PLAC8L1: variants seen among roughly 807,000 people sequenced by gnomAD.
PLAC8L1 encodes the protein PLAC8 like 1, also known as PLAC8-like protein 1.
In PLAC8L1, 13 loss-of-function variants were observed where a neutral mutation model predicts 16.3. The ratio of observed to expected loss-of-function variants is 0.80; its 90% confidence interval spans 0.52 to 1.27. PLAC8L1 has a LOEUF of 1.27. Among genes scored for constraint, PLAC8L1 ranks in the 50% most tolerant of loss-of-function variants. PLAC8L1 has a pLI of 0.00. For synonymous variants in PLAC8L1, 78 were observed against 79.3 expected (o/e 0.98, Z 0.09); for missense variants, 184 against 220.2 (o/e 0.84, Z 1.04).
Position 146,093,424 on chromosome 5 carries a change from C to A in PLAC8L1, c.256+4732G>T, listed in dbSNP as rs147288539. Among the ~76,000 whole-genome samples, 329 of 152,270 alleles carry A rather than the reference C, an allele frequency of 2.2e-3. 2 individuals are homozygous for A. The highest frequency in any genetic ancestry group is 7.1e-3 in the African/African-American group (297 of 41,552). On this transcript the variant is annotated intron_variant, in intron 2 of 3. Coordinates refer to ENST00000311450, the MANE Select transcript of PLAC8L1 (RefSeq NM_001029869.3). ...GTCCAAAGGAAATGAGCCCTCCTCC[C>A]TGGAAGTGCTCAGAAAGTCGAGGCT...
intron 1 of PLAC8L1, chr5:146,103,835 T>C (rs1763863057): frequency 1.0e-6 from 1 of 985,316 alleles, no homozygotes; most frequent in Non-Finnish European, 1.2e-6. Flanking sequence ...TTCTGCCTTG[T>C]ACCTAGGCCT....
chr5:146,091,153 AAG>A (rs1340058989), intron 2 of PLAC8L1, among the ~76,000 whole-genome samples: 10 of 152,336 alleles, frequency 6.6e-5, no homozygotes, highest in African/African-American at 2.4e-4. Context: ...GCCACTTTGG[AAG>A]TCAATTTTGC....
rs1859897 is a variant in PLAC8L1 at position 146,084,567 on chromosome 5, T to C, written c.399A>G (p.Thr133=). 10,915 of 1,613,568 alleles carry C rather than the reference T, an allele frequency of 6.8e-3. 577 individuals are homozygous for C. The African/African-American group carries it at 0.12, about 18-fold the overall frequency. The part of the protein sequence containing the change: ...GTRERHKIQG[T]LCEDWLAVHC... ...GCACCGCCAGCCAGTCTTCACACAG[T>C]GTGCCCTAGGGCAAGACCAGAATCT... The change falls in exon 4 of 4, where the codon ACA becomes ACG. Residue 133 remains threonine (T), a synonymous_variant. Coordinates refer to ENST00000311450, the MANE Select transcript of PLAC8L1 (RefSeq NM_001029869.3).
In PLAC8L1 at chr5:146,084,559, TCA is replaced by T; in HGVS notation, c.405_406del (p.Cys135Ter). Reference sequence around the variant, plus strand: ...ACAGCAGTGCACCGCCAGCCAGTCTTCACACAGTGTGCCCTAGGGCAAGACCA... The same window carrying T: ...ACAGCAGTGCACCGCCAGCCAGTCTTCACAGTGTGCCCTAGGGCAAGACCA... On this transcript the variant is annotated stop_gained and frameshift_variant, in exon 4 of 4. Coordinates refer to ENST00000311450, the MANE Select transcript of PLAC8L1 (RefSeq NM_001029869.3). LOFTEE classifies it high-confidence loss of function. 1 of 1,613,760 alleles carries T rather than the reference TCA, an allele frequency of 6.2e-7. No individual in the cohort carries two copies. Among genetic ancestry groups the T allele is most frequent in the Non-Finnish European group, 8.5e-7 (1 of 1,180,028 alleles).
intron 1 of PLAC8L1, 38 bp downstream of exon 1, chr5:146,104,155 G>C: frequency 1.2e-6 from 2 of 1,606,324 alleles, no homozygotes; most frequent in Non-Finnish European, 1.7e-6. Context: ...TCCAACTAAA[G>C]AGCAAAAGCT....
At chr5:146,097,157 C>A (rs1351073835) in intron 2 of PLAC8L1, among the ~76,000 whole-genome samples, 2 of 152,208 alleles carry the variant, frequency 1.3e-5, no homozygotes, top group African/African-American at 4.8e-5. Flanking sequence ...GCAAGACCAT[C>A]AGGTCCTGGA....
intron 2 of PLAC8L1, among the ~76,000 whole-genome samples, chr5:146,089,860 T>C (rs922970277): frequency 6.6e-6 from 1 of 151,562 alleles, no homozygotes; most frequent in South Asian, 2.1e-4. Context: ...TGCCTCAGCC[T>C]CTCGAGTAGC....
intron 1 of PLAC8L1, chr5:146,103,587 A>G: frequency 1.1e-6 from 1 of 906,898 alleles, no homozygotes; most frequent in Non-Finnish European, 1.3e-6. Context: ...CAGGCAAACC[A>G]AGATGGTTGG....
At chr5:146,086,022 G>GTTTTTTT (rs1561781679) in intron 2 of PLAC8L1, among the ~76,000 whole-genome samples, 5 of 111,028 alleles carry the variant, frequency 4.5e-5, no homozygotes, top group African/African-American at 1.4e-4. Context: ...TAATTGAAAG[G>GTTTTTTT]TCTTTTTTTT....
chr5:146,084,399 G>A lies in PLAC8L1; in HGVS notation c.*33C>T. The A allele has an allele frequency of 6.2e-7, 1 of 1,609,622 alleles. No homozygotes were observed. On this transcript the variant is annotated 3_prime_UTR_variant, in exon 4 of 4. Transcript: ENST00000311450. The stretch of plus-strand genomic sequence containing the variant: ...CCACTGAGAGGTTTGAGAGGAGGGT[G>A]TTGGGGAGTAAGGAGGAGGAGTTAT...
At chr5:146,102,707 T>C (rs1223433403) in intron 1 of PLAC8L1, among the ~76,000 whole-genome samples, 1 of 152,182 alleles carries the variant, frequency 6.6e-6, no homozygotes, top group East Asian at 1.9e-4. Flanking sequence ...CTTCATTTAG[T>C]AGAAAAAGCA....
chr5:146,103,935 T>C, intron 1 of PLAC8L1: 1 of 985,416 alleles, frequency 1.0e-6, no homozygotes, highest in Non-Finnish European at 1.2e-6. Context: ...AAAAATAAAG[T>C]TCCACTTGGT....
At chr5:146,090,688 G>C (rs1763596222) in intron 2 of PLAC8L1, among the ~76,000 whole-genome samples, 1 of 152,102 alleles carries the variant, frequency 6.6e-6, no homozygotes, top group Admixed American at 6.6e-5. Context: ...GCAAAAATTT[G>C]CTCAATGTCA....
chr5:146,085,561 C>T lies in PLAC8L1; in HGVS notation c.293G>A (p.Cys98Tyr). The stretch of plus-strand genomic sequence containing the variant: ...CTCTCCATAATGCCTGGCGATGTCA[C>T]ACTCAAGACACATAGGACAGAATAG... ...CGLFCPMCLECDIARHYGECL... is the reference protein window; with the variant it reads ...CGLFCPMCLEYDIARHYGECL... The change falls in exon 3 of 4, where the codon TGT becomes TAT. Residue 98 changes from cysteine (C) to tyrosine (Y), a missense_variant. By Grantham distance (194) the Cys-to-Tyr change is radical. Transcript: ENST00000311450. The T allele has an allele frequency of 1.2e-6, 2 of 1,614,170 alleles. No homozygotes were observed. The highest frequency in any genetic ancestry group is 8.5e-7 in the Non-Finnish European group (1 of 1,180,032).
At chr5:146,098,957 A>G (rs1009408808) in intron 1 of PLAC8L1, among the ~76,000 whole-genome samples, 3 of 152,206 alleles carry the variant, frequency 2.0e-5, no homozygotes, top group Admixed American at 6.5e-5. Flanking sequence ...CACAAAGTAT[A>G]CTTTGGGTTG....
At chr5:146,097,135 T>C (rs768068016) in intron 2 of PLAC8L1, among the ~76,000 whole-genome samples, 10 of 152,168 alleles carry the variant, frequency 6.6e-5, no homozygotes, top group Non-Finnish European at 1.2e-4. Context: ...TGTGATCCAA[T>C]TGCTCCCTAG....
In PLAC8L1 at chr5:146,102,040, C is replaced by CTTTT. The variant is rs36011275; in HGVS notation, c.119+2149_119+2152dup. Among the ~76,000 whole-genome samples the CTTTT allele has an allele frequency of 1.8e-3, 237 of 130,470 alleles. 2 individuals are homozygous for CTTTT. Among genetic ancestry groups the CTTTT allele is most frequent in the East Asian group, 0.01 (47 of 4,612 alleles). The allele number at this position is 130,470 out of a possible 152,430, so 85.6% of individuals were successfully genotyped here. ...AAAATGTTTTTTTTCTGTGTTTACC[C>CTTTT]TTTTTTTTTTTTTTTTGTCTTTTGT... On this transcript the variant is annotated intron_variant, in intron 1 of 3. Coordinates refer to ENST00000311450, the MANE Select transcript of PLAC8L1 (RefSeq NM_001029869.3).
At chr5:146,092,705 T>G (rs1033274400) in intron 2 of PLAC8L1, among the ~76,000 whole-genome samples, 1 of 151,884 alleles carries the variant, frequency 6.6e-6, no homozygotes, top group African/African-American at 2.4e-5. Context: ...CCACGCCTAA[T>G]TTTTGTATTT....
At chr5:146,091,991 C>A (rs978687269) in intron 2 of PLAC8L1, among the ~76,000 whole-genome samples, 1 of 151,852 alleles carries the variant, frequency 6.6e-6, no homozygotes, top group Non-Finnish European at 1.5e-5. Context: ...TATGTAAGCA[C>A]GCACAGTATA....
Sources: allele counts gnomAD v4.1 joint callset (sites outside exome capture counted in the v4.1 genomes callset), GRCh38; gene constraint gnomAD v4.1.1; transcripts MANE v1.5; gene names NCBI Gene and HGNC (gene_info 2026-07-23, HGNC 2026-07-21).